The following NAAA variants were observed in gnomAD, a reference collection of about 807,000 sequenced individuals.
The protein encoded by NAAA is N-acylethanolamine acid amidase, also known as N-acylethanolamine-hydrolyzing acid amidase.
Under a neutral mutation model 44.8 loss-of-function variants are expected in NAAA, and 39 were observed. The ratio of observed to expected loss-of-function variants is 0.87; its 90% confidence interval spans 0.67 to 1.14. NAAA has a LOEUF of 1.14. Among genes scored for constraint, NAAA ranks in the 50% most tolerant of loss-of-function variants. The pLI, the probability that NAAA is intolerant of heterozygous loss-of-function variation, is 0.00. For synonymous variants in NAAA, 178 were observed against 191.3 expected (o/e 0.93, Z 0.58); for missense variants, 460 against 467.8 (o/e 0.98, Z 0.15).
chr4:75,940,394 G>T (rs912843902), intron 1 of NAAA: 10 of 588,644 alleles, frequency 1.7e-5, no homozygotes, highest in Non-Finnish European at 3.0e-5. Context: ...TGGGGAGGGC[G>T]AGTGAGGCTG....
Position 75,937,707 on chromosome 4 carries a change from C to T in NAAA, c.372-1472G>A, listed in dbSNP as rs573957318. On this transcript the variant is annotated intron_variant, in intron 2 of 10. Coordinates refer to ENST00000286733, the MANE Select transcript of NAAA (RefSeq NM_014435.4). ...TTTACCATGTTGCCCAGGCTGGTCT[C>T]GAACTCCTGGGCTCAAGAGATCCAT... is the stretch of plus-strand genomic sequence containing the variant. Among the ~76,000 whole-genome samples, 11 of 152,248 alleles carry T rather than the reference C, an allele frequency of 7.2e-5. No individual in the cohort carries two copies. In the East Asian group the frequency reaches 1.9e-3, roughly 27 times the overall value.
downstream of NAAA, among the ~76,000 whole-genome samples, chr4:75,912,772 T>A (rs1275863778): frequency 6.8e-6 from 1 of 147,846 alleles, no homozygotes; most frequent in African/African-American, 2.6e-5. Flanking sequence ...AGACCCTGTC[T>A]CAAAAAAAAA....
chr4:75,916,201 C>T (rs1725610927), intron 9 of NAAA, among the ~76,000 whole-genome samples: 2 of 152,222 alleles, frequency 1.3e-5, no homozygotes, highest in Admixed American at 6.5e-5. Context: ...ATAGAGCTAA[C>T]TGCCTTTGTT....
chr4:75,923,964 C>T (rs1726422743), intron 5 of NAAA, among the ~76,000 whole-genome samples: 1 of 152,218 alleles, frequency 6.6e-6, no homozygotes, highest in South Asian at 2.1e-4. Context: ...ATGCCCTATG[C>T]AAATGGTACA....
At chr4:75,916,370 G>T (rs1725627789) in intron 9 of NAAA, 2 of 152,154 alleles carry the variant, frequency 1.3e-5, no homozygotes, top group Middle Eastern at 3.2e-3. Context: ...CATGGTGATT[G>T]TCACTTAAAA....
At position 75,913,930 on chromosome 4, in the gene NAAA, T is replaced by A; in HGVS notation, c.*445A>T. 1 of 985,434 alleles carries A rather than the reference T, an allele frequency of 1.0e-6. No individual in the cohort carries two copies. The highest frequency in any genetic ancestry group is 5.2e-4 in the Middle Eastern group (1 of 1,914). The allele number at this position is 985,434 out of a possible 1,614,324, so 61.0% of individuals were successfully genotyped here. The stretch of plus-strand genomic sequence containing the variant: ...GGTTCGAAATAGAGTTCTCCATTTC[T>A]TTCAGATGAGCCTTTTTTCTTAGGC... On this transcript the variant is annotated 3_prime_UTR_variant, in exon 11 of 11. Transcript: ENST00000286733.
chr4:75,930,466 G>A (rs765150527), intron 4 of NAAA: 2 of 517,766 alleles, frequency 3.9e-6, no homozygotes, highest in East Asian at 5.5e-5. Flanking sequence ...CTGCCTAACA[G>A]GACTGTTGTG....
chr4:75,917,197 G>T (rs1725707722), intron 9 of NAAA: 5 of 582,332 alleles, frequency 8.6e-6, no homozygotes, highest in Middle Eastern at 8.6e-4. Flanking sequence ...GCTATGAAGG[G>T]TACAGTCAAT....
intron 9 of NAAA, among the ~76,000 whole-genome samples, chr4:75,918,315 C>T (rs1355223645): frequency 1.3e-5 from 2 of 152,002 alleles, no homozygotes; most frequent in Non-Finnish European, 2.9e-5. Context: ...ATTAGCTGGG[C>T]GTGGTGGCAC....
At chr4:75,916,039 T>C (rs1437062127) in intron 9 of NAAA, among the ~76,000 whole-genome samples, 1 of 152,048 alleles carries the variant, frequency 6.6e-6, no homozygotes. Context: ...GTAATGGAGG[T>C]TCCCTGAACA....
chr4:75,911,240 T>C (rs992293827), downstream of NAAA: 2 of 484,402 alleles, frequency 4.1e-6, no homozygotes, highest in African/African-American at 4.0e-5. Flanking sequence ...TCTTCTTTTG[T>C]GGATCTTCAG....
chr4:75,939,842 T>G, intron 2 of NAAA, 159 bp downstream of exon 2: 3 of 747,512 alleles, frequency 4.0e-6, no homozygotes, highest in Non-Finnish European at 6.4e-6. Flanking sequence ...GATGTGCAGC[T>G]CAGATTTACC....
In NAAA at chr4:75,914,856, G is replaced by A. The variant is rs753139323; in HGVS notation, c.*36+12C>T. The A allele has an allele frequency of 6.2e-7, 1 of 1,601,304 alleles. No individual in the cohort carries two copies. The highest frequency in any genetic ancestry group is 8.6e-7 in the Non-Finnish European group (1 of 1,168,996). On this transcript the variant is annotated intron_variant, in intron 10 of 10. Coordinates refer to ENST00000286733, the MANE Select transcript of NAAA (RefSeq NM_014435.4). ...CACCTCACCCCCTCTCCACAAAACA[G>A]TAACAACAAACCTTTCACAGCACGG... is the stretch of plus-strand genomic sequence containing the variant.
intron 5 of NAAA, among the ~76,000 whole-genome samples, chr4:75,923,100 T>C (rs1269619371): frequency 6.6e-6 from 1 of 151,952 alleles, no homozygotes; most frequent in Non-Finnish European, 1.5e-5. Flanking sequence ...TTTCCAGACA[T>C]GGGGTCTCAA....
intron 4 of NAAA, among the ~76,000 whole-genome samples, chr4:75,927,530 C>T (rs911486406): frequency 2.0e-5 from 3 of 151,314 alleles, no homozygotes; most frequent in Non-Finnish European, 4.4e-5. Flanking sequence ...GGGAAGAAGC[C>T]GAGGCAGGAG....
At chr4:75,911,011 A>G (rs1167973158), downstream of NAAA, among the ~76,000 whole-genome samples, 2 of 152,130 alleles carry the variant, frequency 1.3e-5, no homozygotes, top group Non-Finnish European at 2.9e-5. Flanking sequence ...TACAAAGTAC[A>G]TTCTCAAGGG....
At position 75,940,938 on chromosome 4, in the gene NAAA, C is replaced by T. The variant is rs1331726031; in HGVS notation, c.12G>A (p.Ala4=). Residue 4 remains alanine, a synonymous_variant, in exon 1 of 11, where the codon GCG becomes GCA. Transcript: ENST00000286733. ...GAAGCCCCGGGCGCGCCTCCCGGTC[C>T]GCGGTCCGCATGGCTCGGGCTCCAG... The part of the protein sequence containing the change: MRT[A]DREARPGLPS... 18 of 1,497,400 alleles carry T rather than the reference C, an allele frequency of 1.2e-5. No homozygotes were observed. The highest frequency in any genetic ancestry group is 8.6e-5 in the Admixed American group (4 of 46,572). 92.8% of individuals were successfully genotyped at this position (1,497,400 alleles called of 1,614,324 possible).
At chr4:75,933,132 C>A (rs868697097) in intron 3 of NAAA, among the ~76,000 whole-genome samples, 568 of 122,798 alleles carry the variant, frequency 4.6e-3, no homozygotes, top group Middle Eastern at 8.5e-3. Flanking sequence ...GACTCTGTCT[C>A]AAAAAAAAAA....
At chr4:75,936,276 A>C in intron 2 of NAAA, 41 bp from the exon 3 acceptor site, 1 of 1,575,784 alleles carries the variant, frequency 6.3e-7, no homozygotes, top group Non-Finnish European at 8.6e-7. Flanking sequence ...AATAAGACAA[A>C]TAAGAAAAAA....
Sources: gnomAD v4.1 joint callset for allele counts (sites outside exome capture counted in the v4.1 genomes callset) on GRCh38, gnomAD v4.1.1 for gene constraint, MANE v1.5 for transcripts, NCBI Gene and HGNC (gene_info 2026-07-23, HGNC 2026-07-21) for gene names.